Variants in CABCOCO1 observed in about 807,000 individuals in gnomAD.
The protein encoded by CABCOCO1 is ciliary-associated calcium-binding coiled-coil protein 1.
CABCOCO1 carries 28 observed loss-of-function variants against 35.7 expected under a neutral mutation model. That is an observed-to-expected ratio of 0.78 (90% CI 0.58 to 1.07). The LOEUF (loss-of-function observed/expected upper bound fraction) is 1.07. CABCOCO1 is among the 50% of genes least tolerant of loss of function. The pLI is 0.00. For missense variants in CABCOCO1, 326 were observed against 309.2 expected (o/e 1.05, Z -0.41); for synonymous variants, 95 against 100.1 (o/e 0.95, Z 0.30).
chr10:61,705,842 C>G (rs764736064), intron 5 of CABCOCO1, among the ~76,000 whole-genome samples: 7 of 152,194 alleles, frequency 4.6e-5, no homozygotes, highest in Non-Finnish European at 8.8e-5. Flanking sequence ...AGCACCTCTT[C>G]AACCATACTT....
chr10:61,753,001 G>C (rs1311939972), intron 5 of CABCOCO1, among the ~76,000 whole-genome samples: 1 of 152,004 alleles, frequency 6.6e-6, no homozygotes, highest in East Asian at 1.9e-4. Context: ...CTCGAACCAA[G>C]GACCTAGAGT....
intron 5 of CABCOCO1, among the ~76,000 whole-genome samples, chr10:61,737,836 G>A (rs1316045223): frequency 6.6e-6 from 1 of 152,046 alleles, no homozygotes; most frequent in Admixed American, 6.6e-5. Context: ...GAGAGGAGCA[G>A]AAAAGATAAC....
chr10:61,673,407 A>T (rs1839418708), intron 2 of CABCOCO1, among the ~76,000 whole-genome samples: 1 of 152,220 alleles, frequency 6.6e-6, no homozygotes, highest in Non-Finnish European at 1.5e-5. Context: ...CTTAGAATGG[A>T]AGCCTAATTG....
At chr10:61,675,443 G>A (rs1455820016) in intron 2 of CABCOCO1, among the ~76,000 whole-genome samples, 2 of 152,136 alleles carry the variant, frequency 1.3e-5, no homozygotes, top group African/African-American at 4.8e-5. Flanking sequence ...GAAAGTGGTG[G>A]AGGAAGTGTG....
At chr10:61,688,132 A>G (rs1840022002) in intron 4 of CABCOCO1, among the ~76,000 whole-genome samples, 1 of 152,174 alleles carries the variant, frequency 6.6e-6, no homozygotes, top group Non-Finnish European at 1.5e-5. Flanking sequence ...CCCATCCTGC[A>G]CATGTACCCT....
intron 5 of CABCOCO1, among the ~76,000 whole-genome samples, chr10:61,738,045 T>C (rs1841463834): frequency 2.7e-5 from 4 of 146,042 alleles, no homozygotes. Flanking sequence ...ATAAATAAAA[T>C]ATCTTATTTA....
In CABCOCO1 at chr10:61,680,693, CATAT is replaced by C. The variant is rs71643929; in HGVS notation, c.165-445_165-442del. 3.3e-3 allele frequency among the ~76,000 whole-genome samples: 177 copies of C among 53,588 alleles called. 7 individuals carry two copies. Among genetic ancestry groups the C allele is most frequent in the East Asian group, 0.018 (9 of 488 alleles). The allele number at this position is 53,588 out of a possible 152,430, so 35.2% of individuals were successfully genotyped here. On this transcript the variant is annotated intron_variant, in intron 2 of 7. Transcript: ENST00000648843. ...TAACATATATGTTATACATGTATAA[CATAT>C]ATATGTTATACATGTATAACATATA...
chr10:61,696,796 G>T (rs913824370), intron 5 of CABCOCO1, among the ~76,000 whole-genome samples: 37 of 152,070 alleles, frequency 2.4e-4, no homozygotes, highest in East Asian at 1.9e-3. Context: ...GTGAGCCACT[G>T]ATTCCAGCCC....
intron 2 of CABCOCO1, among the ~76,000 whole-genome samples, chr10:61,676,809 C>G (rs749263208): frequency 6.6e-5 from 10 of 152,062 alleles, no homozygotes; most frequent in Non-Finnish European, 1.2e-4. Context: ...TGCCTTTAAA[C>G]CCAGCACTTT....
At chr10:61,714,311 G>T (rs571086016) in intron 5 of CABCOCO1, among the ~76,000 whole-genome samples, 27 of 152,272 alleles carry the variant, frequency 1.8e-4, no homozygotes, top group African/African-American at 6.5e-4. Flanking sequence ...GGTGTTTATA[G>T]TATTCTCTGA....
chr10:61,683,402 A>T (rs1297994477), intron 3 of CABCOCO1, among the ~76,000 whole-genome samples: 2 of 151,358 alleles, frequency 1.3e-5, no homozygotes. Context: ...TCTAAAAAAA[A>T]ATTGAAAAAT....
chr10:61,686,225 A>G lies in CABCOCO1; in HGVS notation c.479+40A>G, dbSNP rs375436144. On this transcript the variant is annotated intron_variant, in intron 4 of 7. Transcript: ENST00000648843. ...CAGTAACATTTATTTTTCATTTCACATCTTCTGGAAAATGTCTGTTAAGTA... is the reference window on the plus strand; with the variant it reads ...CAGTAACATTTATTTTTCATTTCACGTCTTCTGGAAAATGTCTGTTAAGTA... 91 of 1,456,640 alleles carry G rather than the reference A, an allele frequency of 6.2e-5. No individual in the cohort carries two copies. The Middle Eastern group carries it at 7.9e-4, about 13-fold the overall frequency. The allele number at this position is 1,456,640 out of a possible 1,614,324, so 90.2% of individuals were successfully genotyped here.
intron 5 of CABCOCO1, among the ~76,000 whole-genome samples, chr10:61,750,440 G>A (rs1359301091): frequency 2.0e-5 from 3 of 152,174 alleles, no homozygotes; most frequent in African/African-American, 7.2e-5. Flanking sequence ...GCCTAGCGTG[G>A]TGGCGGGTAC....
intron 7 of CABCOCO1, among the ~76,000 whole-genome samples, chr10:61,764,291 A>AT (rs1842065586): frequency 6.6e-6 from 1 of 152,092 alleles, no homozygotes; most frequent in South Asian, 2.1e-4. Flanking sequence ...ATTTCAAACC[A>AT]TTTTAATCCC....
Position 61,726,272 on chromosome 10 carries a change from A to C in CABCOCO1, c.553-33787A>C, listed in dbSNP as rs75433672. ...TCAATAAGAAATCGATTAAGTACACATTTGTACATACATCCAATATAAGGC... is the reference window on the plus strand; with the variant it reads ...TCAATAAGAAATCGATTAAGTACACCTTTGTACATACATCCAATATAAGGC... On this transcript the variant is annotated intron_variant, in intron 5 of 7. Transcript: ENST00000648843. 6.7e-3 allele frequency among the ~76,000 whole-genome samples: 1,014 copies of C among 152,352 alleles called. 11 individuals carry two copies. The highest frequency in any genetic ancestry group is 0.024 in the African/African-American group (981 of 41,584).
In CABCOCO1 at chr10:61,737,389, T is replaced by G. The variant is rs540842132; in HGVS notation, c.553-22670T>G. ...AGTTCAATCATTGTGGAAAGCAGTG[T>G]GGTGATTTCTCAAAAAGCTAAAAGC... On this transcript the variant is annotated intron_variant, in intron 5 of 7. Transcript: ENST00000648843. Among the ~76,000 whole-genome samples the G allele has an allele frequency of 5.9e-5, 9 of 152,282 alleles. No individual in the cohort carries two copies. In the South Asian group the frequency reaches 1.9e-3, roughly 32 times the overall value.
At chr10:61,685,173 A>T (rs922961521) in intron 3 of CABCOCO1, 1 of 152,226 alleles carries the variant, frequency 6.6e-6, no homozygotes, top group Admixed American at 6.5e-5. Flanking sequence ...AAAAGAAAAA[A>T]AAACTTGATG....
intron 5 of CABCOCO1, among the ~76,000 whole-genome samples, chr10:61,757,195 C>G (rs996883344): frequency 1.3e-5 from 2 of 151,868 alleles, no homozygotes; most frequent in East Asian, 1.9e-4. Context: ...GCTCTGGGCT[C>G]TCACCACAAT....
intron 5 of CABCOCO1, among the ~76,000 whole-genome samples, chr10:61,712,942 T>C (rs1840768352): frequency 6.6e-6 from 1 of 152,236 alleles, no homozygotes; most frequent in Admixed American, 6.5e-5. Flanking sequence ...GGTAGCATGA[T>C]GCTTTCAGCT....
Sources: gnomAD v4.1 joint callset for allele counts (sites outside exome capture counted in the v4.1 genomes callset) on GRCh38, gnomAD v4.1.1 for gene constraint, MANE v1.5 for transcripts, NCBI Gene and HGNC (gene_info 2026-07-23, HGNC 2026-07-21) for gene names.